PCDH15: variants seen among roughly 807,000 people sequenced by gnomAD.
PCDH15 encodes the protein protocadherin related 15, also known as protocadherin-15.
In PCDH15, 129 loss-of-function variants were observed where a neutral mutation model predicts 178.5. The observed-to-expected ratio is 0.72, with a 90% confidence interval of 0.63 to 0.84. The LOEUF is 0.84. Ranked by LOEUF, PCDH15 falls within the 40% of genes least tolerant of loss-of-function variation. The pLI is 0.00. For synonymous variants in PCDH15, 800 were observed against 732.0 expected (o/e 1.09, Z -1.50); for missense variants, 2,230 against 2,099.9 (o/e 1.06, Z -1.21).
At chr10:55,451,627 T>C (rs910390375) in intron 2 of PCDH15, among the ~76,000 whole-genome samples, 5 of 152,202 alleles carry the variant, frequency 3.3e-5, no homozygotes, top group African/African-American at 4.8e-5. Flanking sequence ...TAAAAATGAA[T>C]TCATTCAGAA....
intron 2 of PCDH15, among the ~76,000 whole-genome samples, chr10:54,590,510 A>G (rs1241432430): frequency 1.3e-5 from 2 of 152,220 alleles, no homozygotes; most frequent in African/African-American, 4.8e-5. Flanking sequence ...CAACATTCCA[A>G]AAATGGCTTA....
chr10:54,053,389 C>T (rs1309260686), intron 18 of PCDH15, among the ~76,000 whole-genome samples: 1 of 152,112 alleles, frequency 6.6e-6, no homozygotes, highest in African/African-American at 2.4e-5. Context: ...CTAAGCCAAG[C>T]GTTGGGCTAT....
At chr10:54,135,304 G>A (rs929957060) in intron 14 of PCDH15, among the ~76,000 whole-genome samples, 3 of 151,904 alleles carry the variant, frequency 2.0e-5, no homozygotes, top group Non-Finnish European at 2.9e-5. Context: ...TAAAATATCT[G>A]TATTCATTTC....
At chr10:54,348,526 C>A (rs1189031235) in intron 5 of PCDH15, among the ~76,000 whole-genome samples, 2 of 152,068 alleles carry the variant, frequency 1.3e-5, no homozygotes, top group African/African-American at 2.4e-5. Flanking sequence ...TATAAATATT[C>A]ACCCATTCTT....
chr10:54,579,331 A>T (rs1022485368), intron 2 of PCDH15, among the ~76,000 whole-genome samples: 9 of 152,196 alleles, frequency 5.9e-5, no homozygotes, highest in Middle Eastern at 3.4e-3. Flanking sequence ...ACAAAAAAGA[A>T]CAACAGTCAC....
At position 55,170,317 on chromosome 10, in the gene PCDH15, T is replaced by TA. The variant is rs796429739; in HGVS notation, c.-155-3667dup. 7.7e-3 allele frequency among the ~76,000 whole-genome samples: 1,139 copies of TA among 147,568 alleles called. 10 individuals are homozygous for TA. Among genetic ancestry groups the TA allele is most frequent in the African/African-American group, 0.022 (875 of 40,438 alleles). On this transcript the variant is annotated intron_variant, in intron 1 of 5. Transcript: ENST00000458638. ...GATGTATGCCACCATATTGGCTATTTAAAAAAAAAAATTGCAGAGACAAGT... is the reference window on the plus strand; with the variant it reads ...GATGTATGCCACCATATTGGCTATTTAAAAAAAAAAAATTGCAGAGACAAGT...
At chr10:54,465,180 T>C (rs1019671769) in intron 3 of PCDH15, among the ~76,000 whole-genome samples, 5 of 152,130 alleles carry the variant, frequency 3.3e-5, no homozygotes, top group Non-Finnish European at 5.9e-5. Flanking sequence ...GATTTTTTTG[T>C]TACACGCGTA....
At chr10:55,159,347 ATCTATCTATCTATCTATCTATCTATATAT>A (rs549423982) in intron 2 of PCDH15, among the ~76,000 whole-genome samples, 2 of 144,146 alleles carry the variant, frequency 1.4e-5, no homozygotes, top group African/African-American at 5.6e-5. Context: ...TACCATATCT[ATCTATCTATCTATCTATCTATCTATATAT>A]ATATATATAT....
intron 20 of PCDH15, among the ~76,000 whole-genome samples, chr10:53,996,043 A>C (rs1169974097): frequency 6.6e-6 from 1 of 152,144 alleles, no homozygotes; most frequent in African/African-American, 2.4e-5. Flanking sequence ...GTGACCCTGG[A>C]ATTTTTTTCT....
intron 23 of PCDH15, among the ~76,000 whole-genome samples, chr10:53,949,870 ATGAATGCCT>A (rs758313040): frequency 6.6e-6 from 1 of 152,232 alleles, no homozygotes. Flanking sequence ...GTTTACAAAA[ATGAATGCCT>A]TGATTATAAA....
chr10:54,290,080 A>G (rs1304734356), intron 8 of PCDH15, among the ~76,000 whole-genome samples: 1 of 152,162 alleles, frequency 6.6e-6, no homozygotes, highest in Non-Finnish European at 1.5e-5. Context: ...AGCATCCCCA[A>G]GGCACAAAAT....
At chr10:54,043,798 A>G (rs1450399745) in intron 18 of PCDH15, among the ~76,000 whole-genome samples, 2 of 152,116 alleles carry the variant, frequency 1.3e-5, no homozygotes, top group Non-Finnish European at 2.9e-5. Context: ...AACACTTCAA[A>G]AAAACATACT....
At chr10:54,492,558 T>G (rs1364371242) in intron 3 of PCDH15, among the ~76,000 whole-genome samples, 1 of 152,164 alleles carries the variant, frequency 6.6e-6, no homozygotes, top group Non-Finnish European at 1.5e-5. Flanking sequence ...TGTTCCAAAA[T>G]TATTAAATGG....
chr10:55,045,373 A>C (rs1840974586), intron 2 of PCDH15, among the ~76,000 whole-genome samples: 2 of 152,064 alleles, frequency 1.3e-5, no homozygotes, highest in Admixed American at 1.3e-4. Flanking sequence ...CCTTGATGTC[A>C]GTGTTAAAAT....
chr10:54,895,011 ACAG>A (rs1305685289), intron 3 of PCDH15, among the ~76,000 whole-genome samples: 1 of 152,208 alleles, frequency 6.6e-6, no homozygotes, highest in African/African-American at 2.4e-5. Flanking sequence ...CATCACTCTG[ACAG>A]CAGAATCAAG....
intron 5 of PCDH15, among the ~76,000 whole-genome samples, chr10:54,353,911 C>T (rs939028130): frequency 2.0e-5 from 3 of 152,038 alleles, no homozygotes; most frequent in African/African-American, 7.2e-5. Context: ...TGATAAATAA[C>T]TCTATCTTTA....
At chr10:55,429,063 A>G (rs2132054598) in intron 2 of PCDH15, among the ~76,000 whole-genome samples, 1 of 152,158 alleles carries the variant, frequency 6.6e-6, no homozygotes, top group East Asian at 1.9e-4. Context: ...ACATTCTACA[A>G]ACCCCATGTT....
upstream of PCDH15, among the ~76,000 whole-genome samples, chr10:54,802,276 C>T (rs1486926927): frequency 1.3e-5 from 2 of 152,156 alleles, no homozygotes; most frequent in Non-Finnish European, 2.9e-5. Flanking sequence ...AAAATAACAT[C>T]TCATTTAAAA....
chr10:53,821,652 T>A, intron 32 of PCDH15: 1 of 1,339,242 alleles, frequency 7.5e-7, no homozygotes. Flanking sequence ...TACTTTGTAG[T>A]TTTTAAAAAG....
Sources: allele counts gnomAD v4.1 joint callset (sites outside exome capture counted in the v4.1 genomes callset), GRCh38; gene constraint gnomAD v4.1.1; transcripts MANE v1.5; gene names NCBI Gene and HGNC (gene_info 2026-07-23, HGNC 2026-07-21).